The following ITPR1 variants were observed in gnomAD, a reference collection of about 807,000 sequenced individuals.
ITPR1 encodes inositol 1,4,5-trisphosphate receptor type 1.
ITPR1 carries 96 observed loss-of-function variants against 318.4 expected under a neutral mutation model. That is an observed-to-expected ratio of 0.30 (90% confidence interval 0.26 to 0.36). ITPR1 has a LOEUF of 0.36. Ranked by LOEUF, ITPR1 falls within the 10% of genes least tolerant of loss-of-function variation. The pLI is 1.00. For missense variants in ITPR1, 2,440 were observed against 3,460.2 expected (o/e 0.71, Z 7.40); for synonymous variants, 1,312 against 1,289.9 (o/e 1.02, Z -0.37).
rs754747856 is a variant in ITPR1, at chr3:4,693,712, G to A, written c.4252G>A (p.Val1418Met). 15 of 1,613,370 alleles carry A rather than the reference G, an allele frequency of 9.3e-6. No individual in the cohort carries two copies. Among genetic ancestry groups the A allele is most frequent in the East Asian group, 2.2e-5 (1 of 44,870 alleles). The change falls in exon 33 of 62, where the codon GTG (valine) becomes ATG (methionine). Residue 1418 changes from valine (V) to methionine (M), a missense_variant. By Grantham distance (21) the Val-to-Met change is conservative. Transcript: ENST00000649015. ...GCTCCCGCTGGATGACATCGTTCGC[G>A]TGGTGACCCACGAGGACTGCATCCC... ...SLLPLDDIVR[V>M]VTHEDCIPEV...
intron 4 of ITPR1, among the ~76,000 whole-genome samples, chr3:4,626,575 A>G (rs901417832): frequency 2.0e-5 from 3 of 152,252 alleles, no homozygotes; most frequent in Admixed American, 2.0e-4. Context: ...TTTCTGCAGA[A>G]ATCTTTTGAA....
At chr3:4,524,457 C>G (rs1336601889) in intron 4 of ITPR1, among the ~76,000 whole-genome samples, 2 of 152,072 alleles carry the variant, frequency 1.3e-5, no homozygotes, top group African/African-American at 4.8e-5. Flanking sequence ...GGAGGCATTT[C>G]TAGTCCATTT....
chr3:4,555,606 C>T (rs1347958505), intron 4 of ITPR1, among the ~76,000 whole-genome samples: 1 of 152,102 alleles, frequency 6.6e-6, no homozygotes. Flanking sequence ...CATGAAAAGA[C>T]ATGGAGGAAA....
chr3:4,673,136 A>G lies in ITPR1; in HGVS notation c.2205A>G (p.Arg735=). The change falls in exon 21 of 62, where the codon AGA becomes AGG. Residue 735 remains arginine (R), a splice_region_variant and synonymous_variant. Transcript: ENST00000649015. The part of the protein sequence containing the change: ...KEDRDVLSYY[R]YQLNLFARMC... The stretch of plus-strand genomic sequence containing the variant: ...TGTGTGCCCTTGTTCCTTCCTCTAG[A>G]TATCAGCTGAACCTCTTTGCGAGGA... 6.2e-7 allele frequency: 1 copy of G among 1,612,468 alleles called. No homozygotes were observed. Among genetic ancestry groups the G allele is most frequent in the South Asian group, 1.1e-5 (1 of 90,942 alleles).
Position 4,743,442 on chromosome 3 carries a change from A to G in ITPR1, c.5544+8088A>G, listed in dbSNP as rs189729988. On this transcript the variant is annotated intron_variant, in intron 44 of 61. Coordinates refer to ENST00000649015, the MANE Select transcript of ITPR1 (RefSeq NM_001378452.1). ...AGCGCAGCTCTCTGAGTGACGGCAGACAGTAGGTAATGCATGCACCTACTG... is the reference window on the plus strand; with the variant it reads ...AGCGCAGCTCTCTGAGTGACGGCAGGCAGTAGGTAATGCATGCACCTACTG... 8.5e-5 allele frequency among the ~76,000 whole-genome samples: 13 copies of G among 152,348 alleles called. No homozygotes were observed. The South Asian group carries it at 1.5e-3, about 17-fold the overall frequency.
chr3:4,682,015 A>G (rs6782811), intron 26 of ITPR1, among the ~76,000 whole-genome samples: 56,162 of 152,078 alleles, frequency 0.37, 10,528 homozygotes, highest in South Asian at 0.56. Flanking sequence ...CCATATGCAC[A>G]TAGTTCTTAT....
At chr3:4,742,984 A>G (rs2043817556) in intron 44 of ITPR1, among the ~76,000 whole-genome samples, 1 of 152,230 alleles carries the variant, frequency 6.6e-6, no homozygotes, top group Non-Finnish European at 1.5e-5. Context: ...GGGAAATTTC[A>G]TTGCCTTGAG....
intron 42 of ITPR1, among the ~76,000 whole-genome samples, chr3:4,731,128 C>G (rs1370264874): frequency 6.6e-6 from 1 of 152,198 alleles, no homozygotes; most frequent in African/African-American, 2.4e-5. Context: ...CCTTTTCTTT[C>G]TCTCAATTCT....
intron 60 of ITPR1, among the ~76,000 whole-genome samples, chr3:4,834,448 G>A (rs1173862770): frequency 6.6e-6 from 1 of 152,158 alleles, no homozygotes; most frequent in Non-Finnish European, 1.5e-5. Context: ...GCCACCGTGA[G>A]TATCCAGGGC....
chr3:4,777,753 G>C (rs190694030), intron 48 of ITPR1, among the ~76,000 whole-genome samples: 214 of 151,344 alleles, frequency 1.4e-3, no homozygotes, highest in African/African-American at 4.7e-3. Flanking sequence ...GAAAAGGGCC[G>C]GTTGAAGAAT....
Position 4,652,143 on chromosome 3 carries a change from T to C in ITPR1, c.876T>C (p.Cys292=), listed in dbSNP as rs1559616636. The C allele has an allele frequency of 6.2e-7, 1 of 1,612,720 alleles. No individual in the cohort carries two copies. The highest frequency in any genetic ancestry group is 8.5e-7 in the Non-Finnish European group (1 of 1,179,476). The change falls in exon 11 of 62, where the codon TGT becomes TGC. Residue 292 remains cysteine, a synonymous_variant. Transcript: ENST00000649015. Reference sequence around the variant, plus strand: ...TGCAGGTGGTCCAGCATGACCCATGTCGGGGCGGAGCAGGGTATTGGAACA... The same window carrying C: ...TGCAGGTGGTCCAGCATGACCCATGCCGGGGCGGAGCAGGGTATTGGAACA... The part of the protein sequence containing the change: ...WEVEVVQHDP[C]RGGAGYWNSL...
At chr3:4,821,805 G>A (rs557908454) in intron 60 of ITPR1, among the ~76,000 whole-genome samples, 1 of 152,298 alleles carries the variant, frequency 6.6e-6, no homozygotes, top group Admixed American at 6.5e-5. Flanking sequence ...GTCATCTCTG[G>A]AGGGAGGGAA....
At chr3:4,637,229 CT>C (rs2093217910) in intron 5 of ITPR1, among the ~76,000 whole-genome samples, 1 of 152,186 alleles carries the variant, frequency 6.6e-6, no homozygotes, top group Admixed American at 6.5e-5. Context: ...TATTTTCCCC[CT>C]CTTGAGTTTG....
chr3:4,506,781 T>A lies in ITPR1; in HGVS notation c.-16-9695T>A, dbSNP rs942294204. Among the ~76,000 whole-genome samples the A allele has an allele frequency of 5.9e-5, 9 of 152,344 alleles. 1 individual carries two copies. ...TATATTTTGCATTTTCATCCTGTTA[T>A]ATAAAGTTTCCAAACTTATACAGTG... On this transcript the variant is annotated intron_variant, in intron 2 of 61. Transcript: ENST00000649015.
intron 55 of ITPR1, among the ~76,000 whole-genome samples, chr3:4,809,881 C>T (rs1205398137): frequency 6.6e-6 from 1 of 152,188 alleles, no homozygotes; most frequent in Non-Finnish European, 1.5e-5. Flanking sequence ...ACATTAACAG[C>T]AACACTTTGC....
At chr3:4,801,950 G>C (rs1425137050) in intron 54 of ITPR1, among the ~76,000 whole-genome samples, 1 of 152,168 alleles carries the variant, frequency 6.6e-6, no homozygotes, top group Non-Finnish European at 1.5e-5. Flanking sequence ...CTCATTCGTG[G>C]TTCAGTAGTG....
At chr3:4,786,064 C>A (rs115533694) in intron 51 of ITPR1, among the ~76,000 whole-genome samples, 19 of 152,202 alleles carry the variant, frequency 1.2e-4, no homozygotes, top group African/African-American at 4.3e-4. Context: ...TCAGTTCTTG[C>A]CAGGAGGCCT....
rs2094280339 is a variant in ITPR1 at position 4,680,700 on chromosome 3, T to C, written c.3106+9T>C. The C allele has an allele frequency of 3.7e-6, 6 of 1,603,528 alleles. No individual in the cohort carries two copies. In the South Asian group the frequency reaches 4.4e-5, roughly 12 times the overall value. On this transcript the variant is annotated intron_variant, in intron 25 of 61. Coordinates refer to ENST00000649015, the MANE Select transcript of ITPR1 (RefSeq NM_001378452.1). Reference sequence around the variant, plus strand: ...GCCAAGTAATGTACCAGGTTAGTGATTCAGAATGGAATTTCAGCCATAGAA... The same window carrying C: ...GCCAAGTAATGTACCAGGTTAGTGACTCAGAATGGAATTTCAGCCATAGAA...
chr3:4,667,168 T>G (rs1324525215), intron 17 of ITPR1, among the ~76,000 whole-genome samples: 2 of 152,222 alleles, frequency 1.3e-5, no homozygotes, highest in African/African-American at 4.8e-5. Context: ...TAATTACATT[T>G]GTGTGGCAGG....
Sources: allele counts gnomAD v4.1 joint callset (sites outside exome capture counted in the v4.1 genomes callset), GRCh38; gene constraint gnomAD v4.1.1; transcripts MANE v1.5; gene names NCBI Gene and HGNC (gene_info 2026-07-23, HGNC 2026-07-21).